Variants in CSMD1 observed in about 807,000 individuals in gnomAD.
CSMD1 encodes CUB and Sushi multiple domains 1.
Under a neutral mutation model 417.5 loss-of-function variants are expected in CSMD1, and 213 were observed. The ratio of observed to expected loss-of-function variants is 0.51; its 90% CI spans 0.46 to 0.57. The LOEUF is 0.57. Among genes scored for constraint, CSMD1 ranks in the 20% least tolerant of loss-of-function variants. CSMD1 has a pLI of 0.00. For missense variants in CSMD1, 6,923 were observed against 4,529.7 expected, an observed-to-expected ratio of 1.53 and a Z score of -15.17; for synonymous variants, 2,862 against 1,736.8, an observed-to-expected ratio of 1.65 and a Z score of -16.11.
chr8:4,906,282 CAAAT>C, intron 1 of CSMD1, among the ~76,000 whole-genome samples: 1 of 152,254 alleles, frequency 6.6e-6, no homozygotes, highest in East Asian at 1.9e-4. Flanking sequence ...ATTAACAAAA[CAAAT>C]ACATTATTCA....
intron 1 of CSMD1, among the ~76,000 whole-genome samples, chr8:4,697,747 G>C (rs75198011): frequency 0.012 from 1,850 of 152,240 alleles, 41 homozygotes; most frequent in East Asian, 0.099. Flanking sequence ...GTAAAAAAAG[G>C]AAAGCATTAC....
chr8:3,295,263 T>G (rs1803881932), intron 25 of CSMD1, among the ~76,000 whole-genome samples: 1 of 152,070 alleles, frequency 6.6e-6, no homozygotes, highest in South Asian at 2.1e-4. Context: ...TAGCTGGGAC[T>G]ACAGGTGCCC....
At chr8:3,031,654 T>C (rs597139) in intron 50 of CSMD1, among the ~76,000 whole-genome samples, 6,437 of 151,924 alleles carry the variant, frequency 0.042, 475 homozygotes, top group African/African-American at 0.15. Flanking sequence ...ATGCTCAGCC[T>C]CCCAAAGTGC....
At chr8:4,616,873 A>C (rs1001426794) in intron 2 of CSMD1, among the ~76,000 whole-genome samples, 2 of 152,174 alleles carry the variant, frequency 1.3e-5, no homozygotes, top group African/African-American at 4.8e-5. Context: ...AATTTTTAAA[A>C]TTATAGTTTG....
At chr8:3,696,391 C>G (rs1210882115) in intron 7 of CSMD1, among the ~76,000 whole-genome samples, 3 of 152,188 alleles carry the variant, frequency 2.0e-5, no homozygotes, top group Non-Finnish European at 4.4e-5. Flanking sequence ...TTTCACATAT[C>G]TTCAAACGTG....
chr8:3,339,611 C>T (rs923625438), intron 23 of CSMD1, among the ~76,000 whole-genome samples: 3 of 152,186 alleles, frequency 2.0e-5, no homozygotes, highest in African/African-American at 7.2e-5. Flanking sequence ...CAATAAATTA[C>T]TCTCAGAGGG....
chr8:4,806,088 C>G (rs1798569558), intron 1 of CSMD1, among the ~76,000 whole-genome samples: 1 of 152,148 alleles, frequency 6.6e-6, no homozygotes, highest in Non-Finnish European at 1.5e-5. Context: ...CCCACAATCT[C>G]TAATTTTAAA....
At chr8:4,012,800 C>G (rs1165093483) in intron 4 of CSMD1, among the ~76,000 whole-genome samples, 2 of 152,294 alleles carry the variant, frequency 1.3e-5, no homozygotes, top group South Asian at 2.1e-4. Flanking sequence ...TTCTCCATCT[C>G]AATAAACGGT....
intron 2 of CSMD1, among the ~76,000 whole-genome samples, chr8:4,446,318 T>A (rs1798786023): frequency 6.6e-6 from 1 of 152,150 alleles, no homozygotes; most frequent in Non-Finnish European, 1.5e-5. Flanking sequence ...GAGCCCAGCA[T>A]GGGTGGATCG....
intron 3 of CSMD1, among the ~76,000 whole-genome samples, chr8:4,285,918 G>A (rs751997289): frequency 5.6e-4 from 85 of 152,042 alleles, no homozygotes; most frequent in Non-Finnish European, 1.0e-3. Flanking sequence ...AATACCATCT[G>A]CACAAACCTT....
intron 57 of CSMD1, among the ~76,000 whole-genome samples, chr8:2,967,125 A>G (rs774199776): frequency 6.6e-6 from 1 of 152,224 alleles, no homozygotes; most frequent in South Asian, 2.1e-4. Context: ...TTAAAAAAGA[A>G]TATCTATGAT....
At chr8:4,159,067 C>G (rs143910172) in intron 3 of CSMD1, among the ~76,000 whole-genome samples, 2 of 152,088 alleles carry the variant, frequency 1.3e-5, no homozygotes, top group East Asian at 1.9e-4. Context: ...AGGCTTGCAC[C>G]ACCAGGCCCA....
chr8:4,196,790 C>T lies in CSMD1; in HGVS notation c.416-164691G>A, dbSNP rs7815311. ...AAACCCCTTTTTCCCATAAAGCAACCTATTCACAGGCTCCAGGGATTAAGG... is the reference window on the plus strand; with the variant it reads ...AAACCCCTTTTTCCCATAAAGCAACTTATTCACAGGCTCCAGGGATTAAGG... On this transcript the variant is annotated intron_variant, in intron 3 of 69. Transcript: ENST00000635120. Among the ~76,000 whole-genome samples the T allele has an allele frequency of 8.5e-3, 1,294 of 152,240 alleles. 22 individuals carry two copies. Among genetic ancestry groups the T allele is most frequent in the African/African-American group, 0.029 (1,222 of 41,518 alleles).
Position 4,928,449 on chromosome 8 carries a change from G to A in CSMD1, c.85+65883C>T, listed in dbSNP as rs574698053. ...TCGATAACTACTAACATTGTTCCAA[G>A]TGCACCATAGGGGCTCAGAGATATT... On this transcript the variant is annotated intron_variant, in intron 1 of 69. Coordinates refer to ENST00000635120, the MANE Select transcript of CSMD1 (RefSeq NM_033225.6). Among the ~76,000 whole-genome samples, 202 of 152,274 alleles carry A rather than the reference G, an allele frequency of 1.3e-3. 1 individual carries two copies. The highest frequency in any genetic ancestry group is 4.4e-3 in the African/African-American group (183 of 41,566).
chr8:3,043,229 A>G (rs1811226645), intron 50 of CSMD1, among the ~76,000 whole-genome samples: 1 of 151,804 alleles, frequency 6.6e-6, no homozygotes, highest in Admixed American at 6.6e-5. Flanking sequence ...ACTAGATATG[A>G]CCTAGTACTG....
At chr8:3,096,106 GGA>G (rs1039633554) in intron 47 of CSMD1, among the ~76,000 whole-genome samples, 2 of 152,158 alleles carry the variant, frequency 1.3e-5, no homozygotes, top group African/African-American at 2.4e-5. Flanking sequence ...ATTACATATA[GGA>G]GAGAGAGAAA....
At chr8:4,786,267 C>A (rs1563380340) in intron 1 of CSMD1, among the ~76,000 whole-genome samples, 1 of 152,126 alleles carries the variant, frequency 6.6e-6, no homozygotes, top group Non-Finnish European at 1.5e-5. Flanking sequence ...ACTATTTTTT[C>A]TTTCTTCTTT....
At chr8:3,047,024 A>G (rs1005840396) in intron 50 of CSMD1, among the ~76,000 whole-genome samples, 4 of 152,198 alleles carry the variant, frequency 2.6e-5, no homozygotes, top group African/African-American at 4.8e-5. Flanking sequence ...CCTGGCCAAC[A>G]TGGTGAAACC....
intron 5 of CSMD1, among the ~76,000 whole-genome samples, chr8:3,996,487 C>G (rs1291850401): frequency 1.3e-5 from 2 of 151,604 alleles, no homozygotes; most frequent in Non-Finnish European, 2.9e-5. Flanking sequence ...ATCGACTTGT[C>G]TGAAGTCATA....
Sources: gnomAD v4.1 joint callset for allele counts (sites outside exome capture counted in the v4.1 genomes callset) on GRCh38, gnomAD v4.1.1 for gene constraint, MANE v1.5 for transcripts, NCBI Gene and HGNC (gene_info 2026-07-23, HGNC 2026-07-21) for gene names.